Variants in FBXO11 observed in about 807,000 individuals in gnomAD.
FBXO11 encodes F-box only protein 11.
Under a neutral mutation model 117.0 loss-of-function variants are expected in FBXO11, and 13 were observed. The ratio of observed to expected loss-of-function variants is 0.11; its 90% CI spans 0.07 to 0.18. FBXO11 has a LOEUF of 0.18. Among genes scored for constraint, FBXO11 ranks in the 10% least tolerant of loss-of-function variants. The pLI is 1.00. For missense variants in FBXO11, 767 were observed against 1,164.4 expected, an observed-to-expected ratio of 0.66 and a Z score of 4.97; for synonymous variants, 490 against 380.5, an observed-to-expected ratio of 1.29 and a Z score of -3.35.
At chr2:47,886,873 A>G (rs1676892378) in intron 1 of FBXO11, among the ~76,000 whole-genome samples, 1 of 150,388 alleles carries the variant, frequency 6.6e-6, no homozygotes, top group Non-Finnish European at 1.5e-5. Context: ...TGTCTCTACC[A>G]AAAAAAAAAT....
intron 1 of FBXO11, among the ~76,000 whole-genome samples, chr2:47,902,125 G>C (rs928953378): frequency 6.6e-6 from 1 of 151,864 alleles, no homozygotes; most frequent in Admixed American, 6.6e-5. Context: ...TAGTTAAGAC[G>C]AGGTTTCACT....
rs7570945 is a variant in FBXO11, at chr2:47,818,111, G to A, written c.2006+668C>T. 4.1e-3 allele frequency among the ~76,000 whole-genome samples: 627 copies of A among 152,204 alleles called. 3 individuals are homozygous for A. Among genetic ancestry groups the A allele is most frequent in the African/African-American group, 0.013 (558 of 41,530 alleles). On this transcript the variant is annotated intron_variant, in intron 16 of 22. Transcript: ENST00000403359. ...GCCTGGGCAACAAGAGTGAAACTCC[G>A]TCTCAAACAAACAAAAAGGATCACT...
rs983098589 is a variant in FBXO11, at chr2:47,906,479, G to C, written c.-759C>G. Among the ~76,000 whole-genome samples the C allele has an allele frequency of 6.6e-6, 1 of 151,534 alleles. No individual in the cohort carries two copies. The highest frequency in any genetic ancestry group is 2.4e-5 in the African/African-American group (1 of 41,244). On this transcript the variant is annotated 5_prime_UTR_variant, in exon 1 of 23. Coordinates refer to ENST00000403359, the MANE Select transcript of FBXO11 (RefSeq NM_001190274.2). ...CGTGGCAGGAGGAGCCATTGACACC[G>C]CCGGAGCCTCCACTCGCCCAGTCGG... is the stretch of plus-strand genomic sequence containing the variant.
At chr2:47,863,628 G>C (rs1674957116) in intron 1 of FBXO11, among the ~76,000 whole-genome samples, 1 of 152,102 alleles carries the variant, frequency 6.6e-6, no homozygotes, top group African/African-American at 2.4e-5. Context: ...CAAGGAATTG[G>C]TTAAATCTGA....
chr2:47,830,995 C>T (rs1248226374), intron 11 of FBXO11, among the ~76,000 whole-genome samples: 1 of 151,984 alleles, frequency 6.6e-6, no homozygotes, highest in African/African-American at 2.4e-5. Flanking sequence ...GACAGAGTTT[C>T]ACCATGTTGT....
intron 10 of FBXO11, 25 bp from the exon 11 acceptor site, chr2:47,832,511 C>A (rs371421704): frequency 1.4e-5 from 22 of 1,610,226 alleles, no homozygotes; most frequent in Non-Finnish European, 1.9e-5. Flanking sequence ...CAGAAACAAA[C>A]ATCAGTAGAG....
Position 47,809,154 on chromosome 2 carries a change from T to G in FBXO11, c.2555+4A>C, listed in dbSNP as rs1363141549. On this transcript the variant is annotated splice_donor_region_variant and intron_variant, in intron 21 of 22. Coordinates refer to ENST00000403359, the MANE Select transcript of FBXO11 (RefSeq NM_001190274.2). ...TTCAGGACTCAAATATATTTCTAAG[T>G]TACCTGTAGAAATCATGCATGGGAT... 4.7e-6 allele frequency: 7 copies of G among 1,504,262 alleles called. No homozygotes were observed. The highest frequency in any genetic ancestry group is 1.4e-5 in the African/African-American group (1 of 71,664). 93.2% of individuals were successfully genotyped at this position (1,504,262 alleles called of 1,614,324 possible). A position where few individuals can be genotyped will look rare whatever the true frequency, so the allele number is the denominator to read the frequency against.
At chr2:47,905,372 G>A (rs2104134182) in intron 1 of FBXO11, 117 bp downstream of exon 1, 3 of 1,012,634 alleles carry the variant, frequency 3.0e-6, no homozygotes, top group East Asian at 5.1e-5. Flanking sequence ...GCTCAGCTTG[G>A]GTCTCCCACC....
chr2:47,844,565 T>A (rs1673263211), intron 1 of FBXO11, among the ~76,000 whole-genome samples: 1 of 152,260 alleles, frequency 6.6e-6, no homozygotes, highest in Non-Finnish European at 1.5e-5. Flanking sequence ...TTTCTCTGAT[T>A]TCTGATACCT....
chr2:47,891,059 A>G (rs181097190), intron 1 of FBXO11, among the ~76,000 whole-genome samples: 23 of 152,032 alleles, frequency 1.5e-4, no homozygotes, highest in Non-Finnish European at 2.9e-4. Flanking sequence ...CCCGGGCTCA[A>G]GCGATCCTCC....
At chr2:47,837,547 T>C (rs1376534555) in intron 4 of FBXO11, among the ~76,000 whole-genome samples, 1 of 152,022 alleles carries the variant, frequency 6.6e-6, no homozygotes, top group Non-Finnish European at 1.5e-5. Flanking sequence ...CAAAAACATA[T>C]ATATATATGG....
At chr2:47,887,111 C>T (rs1374331248) in intron 1 of FBXO11, among the ~76,000 whole-genome samples, 4 of 151,836 alleles carry the variant, frequency 2.6e-5, no homozygotes, top group Admixed American at 2.0e-4. Context: ...CATGGAGAAA[C>T]CCCATCTCTA....
At chr2:47,876,905 G>A (rs6714441) in intron 1 of FBXO11, among the ~76,000 whole-genome samples, 20,862 of 151,566 alleles carry the variant, frequency 0.14, 1,606 homozygotes, top group Non-Finnish European at 0.18. Flanking sequence ...TGAATCTCTC[G>A]ATCTATATTC....
rs1239690980 is a variant in FBXO11, at chr2:47,835,528, T to TCA, written c.717+342_717+343dup. On this transcript the variant is annotated intron_variant, in intron 5 of 22. Coordinates refer to ENST00000403359, the MANE Select transcript of FBXO11 (RefSeq NM_001190274.2). Reference sequence around the variant, plus strand: ...TTTTTTTTTCCCTGAGACAAGAGTCTCACTCTGTCGCCCAGGCTGGAGTGC... The same window carrying TCA: ...TTTTTTTTTCCCTGAGACAAGAGTCTCACACTCTGTCGCCCAGGCTGGAGTGC... Among the ~76,000 whole-genome samples the TCA allele has an allele frequency of 2.6e-5, 4 of 152,144 alleles. No individual in the cohort carries two copies. In the East Asian group the frequency reaches 7.7e-4, roughly 29 times the overall value.
In FBXO11 at chr2:47,835,980, T is replaced by A. The variant is rs773584366; in HGVS notation, c.609A>T (p.Val203=). 124 of 1,606,330 alleles carry A rather than the reference T, an allele frequency of 7.7e-5. No homozygotes were observed. Among genetic ancestry groups the A allele is most frequent in the Non-Finnish European group, 1.5e-5 (18 of 1,176,068 alleles). ...PILWKRLYME[V]FEYTRPMMHP... ...GCATCATAGGGCGAGTATATTCAAA[T>A]ACTTCCATATATAATCGTTTCCTGA... Residue 203 remains valine (V), a synonymous_variant, in exon 5 of 23, where the codon GTA becomes GTT. Transcript: ENST00000403359.
chr2:47,839,629 CAGTTAA>C lies in FBXO11; in HGVS notation c.360+7_360+12del. 1.9e-6 allele frequency: 3 copies of C among 1,608,006 alleles called. No individual in the cohort carries two copies. Among genetic ancestry groups the C allele is most frequent in the Non-Finnish European group, 2.5e-6 (3 of 1,178,664 alleles). On this transcript the variant is annotated splice_region_variant and intron_variant, in intron 2 of 22. Transcript: ENST00000403359. ...TTCATTACAAAAAGAAAAGCAACTA[CAGTTAA>C]AGTTACCTCCATACTGTTCTTTGTG...
chr2:47,834,778 T>C lies in FBXO11; in HGVS notation c.801+10A>G. Reference sequence around the variant, plus strand: ...CCATTTTAAGTCATAAAAATAAAAATCAAACATACCAACATATTTTCTCTT... The same window carrying C: ...CCATTTTAAGTCATAAAAATAAAAACCAAACATACCAACATATTTTCTCTT... On this transcript the variant is annotated intron_variant, in intron 6 of 22. Transcript: ENST00000403359. 2 of 1,609,548 alleles carry C rather than the reference T, an allele frequency of 1.2e-6. No homozygotes were observed. Among genetic ancestry groups the C allele is most frequent in the Non-Finnish European group, 1.7e-6 (2 of 1,178,308 alleles).
At position 47,867,743 on chromosome 2, in the gene FBXO11, C is replaced by T. The variant is rs35347219; in HGVS notation, c.233-27974G>A. On this transcript the variant is annotated intron_variant, in intron 1 of 22. Coordinates refer to ENST00000403359, the MANE Select transcript of FBXO11 (RefSeq NM_001190274.2). Reference sequence around the variant, plus strand: ...GGAGTAAGTCAATAAAGAACTGACACACATTATCTGCATATTGTTATCTAT... The same window carrying T: ...GGAGTAAGTCAATAAAGAACTGACATACATTATCTGCATATTGTTATCTAT... Among the ~76,000 whole-genome samples, 872 of 152,178 alleles carry T rather than the reference C, an allele frequency of 5.7e-3. 4 individuals are homozygous for T. The highest frequency in any genetic ancestry group is 8.2e-3 in the Non-Finnish European group (558 of 68,020).
intron 18 of FBXO11, 61 bp from the exon 19 acceptor site, chr2:47,810,487 G>T (rs1670537453): frequency 9.5e-7 from 1 of 1,048,878 alleles, no homozygotes; most frequent in Non-Finnish European, 1.4e-6. Context: ...TAACCTTTTT[G>T]GTGGTATTTA....
Sources: allele counts gnomAD v4.1 joint callset (sites outside exome capture counted in the v4.1 genomes callset), GRCh38; gene constraint gnomAD v4.1.1; transcripts MANE v1.5; gene names NCBI Gene and HGNC (gene_info 2026-07-23, HGNC 2026-07-21).